CCDC149: variants seen among roughly 807,000 people sequenced by gnomAD.
CCDC149 encodes coiled-coil domain-containing protein 149.
A neutral mutation model predicts 59.9 loss-of-function variants in CCDC149; 45 were observed. The ratio of observed to expected loss-of-function variants is 0.75; its 90% confidence interval spans 0.59 to 0.96. CCDC149 has a LOEUF of 0.96. CCDC149 is among the 40% of genes least tolerant of loss of function. CCDC149 has a pLI of 0.00. For synonymous variants in CCDC149, 245 were observed against 260.6 expected (o/e 0.94, Z 0.58); for missense variants, 584 against 664.7 (o/e 0.88, Z 1.33).
intron 1 of CCDC149, among the ~76,000 whole-genome samples, chr4:24,949,955 A>G (rs1328692077): frequency 6.6e-6 from 1 of 152,212 alleles, no homozygotes; most frequent in Non-Finnish European, 1.5e-5. Context: ...GGCCGTGAAG[A>G]GAAGGATGGC....
In CCDC149 at chr4:24,912,855, C is replaced by A. The variant is rs1322262491; in HGVS notation, c.25G>T (p.Asp9Tyr). The A allele has an allele frequency of 3.6e-6, 5 of 1,379,018 alleles. No individual in the cohort carries two copies. Among genetic ancestry groups the A allele is most frequent in the Non-Finnish European group, 4.8e-6 (5 of 1,051,894 alleles). 85.4% of individuals were successfully genotyped at this position (1,379,018 alleles called of 1,614,324 possible). ...CCCTGCCAGTCGCTCTCAGTCCGGT[C>A]GCCGTTCATGGCCTCCTCCTCCATG... Residue 9 changes from aspartate to tyrosine, a missense_variant, in exon 1 of 13, where the codon GAC becomes TAC. By Grantham distance (160) the Asp-to-Tyr change is radical. Transcript: ENST00000635206.
chr4:24,874,281 T>TTTTTTTTTTTTTTTTTTTTTA (rs1719272249), intron 2 of CCDC149, among the ~76,000 whole-genome samples: 1 of 126,606 alleles, frequency 7.9e-6, no homozygotes, highest in African/African-American at 3.0e-5. Context: ...TTTTGTTTTT[T>TTTTTTTTTTTTTTTTTTTTTA]TGCCTTAAAA....
At chr4:24,955,968 C>T (rs570217226) in intron 1 of CCDC149, among the ~76,000 whole-genome samples, 48 of 152,286 alleles carry the variant, frequency 3.2e-4, no homozygotes, top group South Asian at 6.2e-4. Flanking sequence ...CTTCCTACAA[C>T]CCCAAATAGA....
rs148293327 is a variant in CCDC149, at chr4:24,967,191, C to T, written c.-65+12878G>A. 1.9e-3 allele frequency among the ~76,000 whole-genome samples: 292 copies of T among 152,262 alleles called. 7 individuals carry two copies. The South Asian group carries it at 0.048, about 25-fold the overall frequency. On this transcript the variant is annotated intron_variant, in intron 1 of 12. Transcript: ENST00000389609. The stretch of plus-strand genomic sequence containing the variant: ...ATGGCCAGGGAATTCGGACTGAGTG[C>T]ATGTGACGGACATATGCATCACCAG...
At chr4:24,868,974 T>C (rs1718861444) in intron 3 of CCDC149, among the ~76,000 whole-genome samples, 1 of 152,206 alleles carries the variant, frequency 6.6e-6, no homozygotes, top group South Asian at 2.1e-4. Flanking sequence ...CACACGGCTA[T>C]GTGAGAGTTA....
intron 1 of CCDC149, among the ~76,000 whole-genome samples, chr4:24,885,467 T>C (rs1313337291): frequency 1.3e-5 from 2 of 152,208 alleles, no homozygotes; most frequent in African/African-American, 2.4e-5. Context: ...ACGCAGTCTG[T>C]GATCACGGTG....
At chr4:24,963,360 A>T (rs1723700636) in intron 1 of CCDC149, among the ~76,000 whole-genome samples, 1 of 152,158 alleles carries the variant, frequency 6.6e-6, no homozygotes, top group African/African-American at 2.4e-5. Flanking sequence ...AGCAGCATTT[A>T]TGGGTGAACA....
intron 7 of CCDC149, among the ~76,000 whole-genome samples, chr4:24,835,409 C>T (rs928415852): frequency 6.6e-6 from 1 of 152,098 alleles, no homozygotes; most frequent in Non-Finnish European, 1.5e-5. Flanking sequence ...TTTCCATGCA[C>T]CAATGGTGAT....
At chr4:24,819,757 G>A (rs1049424726) in intron 12 of CCDC149, 102 bp downstream of exon 12, 1 of 835,702 alleles carries the variant, frequency 1.2e-6, no homozygotes, top group Non-Finnish European at 2.0e-6. Flanking sequence ...TGATGCCAAA[G>A]CAGCAGCACA....
intron 10 of CCDC149, 102 bp downstream of exon 10, chr4:24,822,395 A>G (rs1715463413): frequency 1.5e-6 from 1 of 656,104 alleles, no homozygotes; most frequent in South Asian, 2.6e-5. Context: ...GAATAAAAGG[A>G]CATTAAAGAG....
chr4:24,863,977 T>C (rs975416073), intron 3 of CCDC149, among the ~76,000 whole-genome samples: 10 of 152,164 alleles, frequency 6.6e-5, no homozygotes, highest in Non-Finnish European at 1.0e-4. Flanking sequence ...GCTCTCGCCA[T>C]TGTTCCATCT....
chr4:24,866,772 C>T (rs960636633), intron 3 of CCDC149, among the ~76,000 whole-genome samples: 5 of 129,072 alleles, frequency 3.9e-5, no homozygotes, highest in Admixed American at 1.8e-4. Flanking sequence ...TGTCCTTTAA[C>T]GCGAAGACCC....
Position 24,924,152 on chromosome 4 carries a change from G to A in CCDC149, c.-64-29034C>T, listed in dbSNP as rs551602867. 6.4e-4 allele frequency among the ~76,000 whole-genome samples: 97 copies of A among 152,148 alleles called. 3 individuals carry two copies. The South Asian group carries it at 8.3e-3, about 13-fold the overall frequency. On this transcript the variant is annotated intron_variant, in intron 1 of 12. Transcript: ENST00000389609. ...AAGCAGGGAAATGTATTCTCTAGCT[G>A]GGTAGCCATTTGCCAAGAAAGAGTA...
Position 24,808,386 on chromosome 4 carries a change from C to A in CCDC149, c.*3G>T, listed in dbSNP as rs1026279655. ...GTGTCATTGTGTCAGATCCCTCTCCCCTTCAGGTTTTCACGGTGCTCCTCA... is the reference window on the plus strand; with the variant it reads ...GTGTCATTGTGTCAGATCCCTCTCCACTTCAGGTTTTCACGGTGCTCCTCA... On this transcript the variant is annotated 3_prime_UTR_variant, in exon 13 of 13. Transcript: ENST00000635206. The A allele has an allele frequency of 4.8e-6, 7 of 1,447,632 alleles. No homozygotes were observed. In the East Asian group the frequency reaches 1.8e-4, roughly 36 times the overall value. 89.7% of individuals were successfully genotyped at this position (1,447,632 alleles called of 1,614,324 possible).
Position 24,837,229 on chromosome 4 carries a change from T to A in CCDC149, c.661A>T (p.Arg221Trp). 6.2e-7 allele frequency: 1 copy of A among 1,614,166 alleles called. No homozygotes were observed. Among genetic ancestry groups the A allele is most frequent in the South Asian group, 1.1e-5 (1 of 91,070 alleles). ...ACAGGCCTGGGCCTGGCCACTTGCC[T>A]GTTCTCCATACACAGGGCGTCCACG... Residue 221 changes from arginine (R) to tryptophan (W), a missense_variant and splice_region_variant, in exon 6 of 13, where the codon AGG becomes TGG. Arg to Trp is a moderately radical substitution (Grantham distance 101). Transcript: ENST00000635206. The surrounding 1 kb of genome is among the most constrained non-coding windows in gnomAD (Gnocchi z 4.3).
At chr4:24,872,682 C>T (rs952176714) in intron 3 of CCDC149, among the ~76,000 whole-genome samples, 1 of 151,586 alleles carries the variant, frequency 6.6e-6, no homozygotes, top group Non-Finnish European at 1.5e-5. Context: ...GAACAGTATG[C>T]ACCCACTAAA....
downstream of CCDC149, among the ~76,000 whole-genome samples, chr4:24,805,032 G>T (rs1714083219): frequency 6.6e-6 from 1 of 152,154 alleles, no homozygotes; most frequent in Non-Finnish European, 1.5e-5. Flanking sequence ...GAAGGAGGAA[G>T]AGCAAGAGTG....
intron 3 of CCDC149, among the ~76,000 whole-genome samples, chr4:24,859,833 C>G (rs1718263295): frequency 6.6e-6 from 1 of 152,136 alleles, no homozygotes; most frequent in African/African-American, 2.4e-5. Context: ...ATCAAGAACT[C>G]AACCCTTTTA....
At chr4:24,845,275 C>G (rs780752934) in intron 4 of CCDC149, among the ~76,000 whole-genome samples, 1 of 152,228 alleles carries the variant, frequency 6.6e-6, no homozygotes, top group Non-Finnish European at 1.5e-5. Context: ...GTCCCTATAT[C>G]TGACCCTTCC....
Sources: allele counts gnomAD v4.1 joint callset (sites outside exome capture counted in the v4.1 genomes callset), GRCh38; gene constraint gnomAD v4.1.1; non-coding constraint Gnocchi (gnomAD v3.1); transcripts MANE v1.5; gene names NCBI Gene and HGNC (gene_info 2026-07-23, HGNC 2026-07-21).